Variants in RBFOX1 observed in about 807,000 individuals in gnomAD.
RBFOX1 encodes the protein RNA binding fox-1 homolog 1.
In RBFOX1, 8 loss-of-function variants were observed where a neutral mutation model predicts 57.7. The ratio of observed to expected loss-of-function variants is 0.14; its 90% CI spans 0.08 to 0.25. The LOEUF (loss-of-function observed/expected upper bound fraction) is 0.25. Among genes scored for constraint, RBFOX1 ranks in the 10% least tolerant of loss-of-function variants. The probability of loss-of-function intolerance (pLI) is 1.00; values close to 1 mark genes in which losing one functional copy is unlikely to be tolerated. For synonymous variants in RBFOX1, 326 were observed against 222.4 expected, an observed-to-expected ratio of 1.47 and a Z score of -4.15; for missense variants, 611 against 548.5, an observed-to-expected ratio of 1.11 and a Z score of -1.14.
chr16:7,145,073 C>G (rs556668090), intron 4 of RBFOX1, among the ~76,000 whole-genome samples: 68 of 152,340 alleles, frequency 4.5e-4, no homozygotes, highest in Non-Finnish European at 7.3e-5. Context: ...TCTTTTGGTA[C>G]CAATCCTAGC....
rs189246098 is a variant in RBFOX1, at chr16:7,691,724, C to G, written c.995+14886C>G. On this transcript the variant is annotated intron_variant, in intron 14 of 15. Coordinates refer to ENST00000550418, the MANE Select transcript of RBFOX1 (RefSeq NM_018723.4). ...CTTTCCTGATGTCTAGCACATTGGA[C>G]AGTTCCTTAGGGAAAATTGCAGAAA... is the stretch of plus-strand genomic sequence containing the variant. Among the ~76,000 whole-genome samples the G allele has an allele frequency of 3.0e-3, 451 of 150,570 alleles. 2 individuals are homozygous for G. The highest frequency in any genetic ancestry group is 0.011 in the African/African-American group (427 of 39,976).
At chr16:6,930,208 A>C (rs1276671163) in intron 3 of RBFOX1, among the ~76,000 whole-genome samples, 3 of 152,342 alleles carry the variant, frequency 2.0e-5, no homozygotes, top group African/African-American at 4.8e-5. Flanking sequence ...GAATATATTG[A>C]GAACTCCTAA....
chr16:7,003,365 C>T (rs2093006238), intron 3 of RBFOX1, among the ~76,000 whole-genome samples: 1 of 151,240 alleles, frequency 6.6e-6, no homozygotes, highest in African/African-American at 2.4e-5. Context: ...GAGGCTGAGG[C>T]AAGAGAATCA....
At chr16:5,393,020 T>C (rs2066456414) in intron 1 of RBFOX1, among the ~76,000 whole-genome samples, 1 of 152,060 alleles carries the variant, frequency 6.6e-6, no homozygotes, top group Non-Finnish European at 1.5e-5. Context: ...CATTAGACCT[T>C]TGAGAAGAGG....
At chr16:6,819,173 C>T (rs530102597) in intron 3 of RBFOX1, among the ~76,000 whole-genome samples, 2 of 152,294 alleles carry the variant, frequency 1.3e-5, no homozygotes, top group South Asian at 2.1e-4. Context: ...GAGCCTTGTA[C>T]ACTGGAGTGT....
At chr16:7,537,839 C>A (rs2081916177) in intron 5 of RBFOX1, among the ~76,000 whole-genome samples, 1 of 152,202 alleles carries the variant, frequency 6.6e-6, no homozygotes, top group Non-Finnish European at 1.5e-5. Context: ...CATTGGAAAA[C>A]AATTCTGGAT....
At chr16:6,328,816 C>T (rs997068248) in intron 2 of RBFOX1, among the ~76,000 whole-genome samples, 5 of 152,056 alleles carry the variant, frequency 3.3e-5, no homozygotes, top group African/African-American at 1.2e-4. Context: ...ATAGCTTGGG[C>T]AGTGATCATT....
intron 3 of RBFOX1, among the ~76,000 whole-genome samples, chr16:6,869,515 A>G (rs1373277631): frequency 3.3e-5 from 5 of 151,842 alleles, no homozygotes; most frequent in South Asian, 2.1e-4. Flanking sequence ...TTCAACACAT[A>G]TAAAAGGGTT....
In RBFOX1 at chr16:6,866,235, G is replaced by A. The variant is rs951210430; in HGVS notation, c.-15-185822G>A. Among the ~76,000 whole-genome samples, 15 of 151,842 alleles carry A rather than the reference G, an allele frequency of 9.9e-5. No individual in the cohort carries two copies. In the South Asian group the frequency reaches 2.9e-3, roughly 29 times the overall value. On this transcript the variant is annotated intron_variant, in intron 3 of 15. Coordinates refer to ENST00000550418, the MANE Select transcript of RBFOX1 (RefSeq NM_018723.4). ...CAGTGTCTTCTCATCATTTTTTAAG[G>A]TTCTGGAAATGTAAACTACTTTCCT...
At chr16:6,705,308 C>A (rs528499283) in intron 3 of RBFOX1, 1 of 150,230 alleles carries the variant, frequency 6.7e-6, no homozygotes, top group South Asian at 2.1e-4. Flanking sequence ...TGGGAGGTTA[C>A]AAGGGAAGAA....
chr16:7,172,691 C>T (rs2080932601), intron 4 of RBFOX1, among the ~76,000 whole-genome samples: 1 of 152,150 alleles, frequency 6.6e-6, no homozygotes, highest in Non-Finnish European at 1.5e-5. Context: ...AAGCAGGAGG[C>T]AGAGGGGGAT....
intron 3 of RBFOX1, among the ~76,000 whole-genome samples, chr16:6,719,900 C>G (rs909893221): frequency 3.8e-4 from 58 of 151,770 alleles, no homozygotes; most frequent in Non-Finnish European, 7.9e-4. Flanking sequence ...CGAGACCAGC[C>G]TGGCCATCAT....
intron 2 of RBFOX1, among the ~76,000 whole-genome samples, chr16:6,636,437 T>C (rs961158224): frequency 5.3e-5 from 8 of 152,148 alleles, no homozygotes; most frequent in African/African-American, 1.9e-4. Context: ...CCCAAAGTGC[T>C]GGGATTACAG....
chr16:6,222,530 A>G (rs945312506), intron 1 of RBFOX1, among the ~76,000 whole-genome samples: 11 of 152,064 alleles, frequency 7.2e-5, no homozygotes, highest in African/African-American at 2.7e-4. Context: ...TGACATAGCA[A>G]CCATCGGCTT....
chr16:7,203,735 A>T (rs1010264588), intron 4 of RBFOX1, among the ~76,000 whole-genome samples: 1 of 152,064 alleles, frequency 6.6e-6, no homozygotes, highest in African/African-American at 2.4e-5. Flanking sequence ...CCCTTTGCAA[A>T]TATCTGCTTG....
chr16:6,365,370 G>A (rs902493331), intron 2 of RBFOX1, among the ~76,000 whole-genome samples: 4 of 151,566 alleles, frequency 2.6e-5, no homozygotes, highest in East Asian at 1.9e-4. Flanking sequence ...ACGGATGAGT[G>A]GATGGGTGGA....
In RBFOX1 at chr16:5,798,071, A is replaced by G. The variant is rs1162477445; in HGVS notation, c.319-69232A>G. Among the ~76,000 whole-genome samples the G allele has an allele frequency of 2.6e-5, 4 of 152,212 alleles. No individual in the cohort carries two copies. The East Asian group carries it at 5.8e-4, about 22-fold the overall frequency. ...ATATTGGTTTCTGTACTTAATAGCT[A>G]TGTGTCTTTGGGCATGTTACTTAAC... On this transcript the variant is annotated intron_variant, in intron 3 of 19. Coordinates refer to the RBFOX1 transcript ENST00000641259.
chr16:7,230,402 T>G (rs1231156779), intron 4 of RBFOX1, among the ~76,000 whole-genome samples: 1 of 152,164 alleles, frequency 6.6e-6, no homozygotes, highest in Non-Finnish European at 1.5e-5. Context: ...TCAGCTTCCA[T>G]AGTTAACTTA....
At chr16:7,076,459 T>A (rs549900262) in intron 4 of RBFOX1, among the ~76,000 whole-genome samples, 10 of 152,118 alleles carry the variant, frequency 6.6e-5, no homozygotes, top group Non-Finnish European at 1.2e-4. Flanking sequence ...GAAAATAGGA[T>A]ATACCAGATT....
Sources: gnomAD v4.1 joint callset for allele counts (sites outside exome capture counted in the v4.1 genomes callset) on GRCh38, gnomAD v4.1.1 for gene constraint, MANE v1.5 for transcripts, NCBI Gene and HGNC (gene_info 2026-07-23, HGNC 2026-07-21) for gene names.